The following CAPG variants were observed in gnomAD, a reference collection of about 807,000 sequenced individuals.
The protein encoded by CAPG is macrophage-capping protein.
A neutral mutation model predicts 44.6 loss-of-function variants in CAPG; 32 were observed. The observed-to-expected ratio is 0.72, with a 90% CI of 0.54 to 0.96. The LOEUF is 0.96. Among genes scored for constraint, CAPG ranks in the 50% least tolerant of loss-of-function variants. The pLI is 0.00. For missense variants in CAPG, 412 were observed against 438.3 expected, an observed-to-expected ratio of 0.94 and a Z score of 0.54; for synonymous variants, 175 against 179.6, an observed-to-expected ratio of 0.97 and a Z score of 0.20.
chr2:85,398,736 T>G lies in CAPG; in HGVS notation c.713A>C (p.Asp238Ala). The change falls in exon 7 of 10, where the codon GAC becomes GCC. Residue 238 changes from aspartate (D) to alanine (A), a missense_variant. By Grantham distance (126) the Asp-to-Ala change is moderately radical (BLOSUM62 -2). Coordinates refer to ENST00000263867, the MANE Select transcript of CAPG (RefSeq NM_001747.4). ...PALKEGNPEE[D>A]LTADKANAQA... ...GGCATTTGCCTTGTCAGCTGTGAGGTCTTCCTCAGGGTTGCCCTCCTTCAG... is the reference window on the plus strand; with the variant it reads ...GGCATTTGCCTTGTCAGCTGTGAGGGCTTCCTCAGGGTTGCCCTCCTTCAG... 1 of 1,607,976 alleles carries G rather than the reference T, an allele frequency of 6.2e-7. No homozygotes were observed. The highest frequency in any genetic ancestry group is 8.5e-7 in the Non-Finnish European group (1 of 1,177,384).
intron 1 of CAPG, among the ~76,000 whole-genome samples, chr2:85,406,450 C>T (rs1193307183): frequency 6.6e-6 from 1 of 152,130 alleles, no homozygotes; most frequent in African/African-American, 2.4e-5. Context: ...TACCTAGAAC[C>T]CCCTACCCTT....
downstream of CAPG, among the ~76,000 whole-genome samples, chr2:85,392,221 T>G (rs1349453775): frequency 6.6e-6 from 1 of 152,094 alleles, no homozygotes; most frequent in Non-Finnish European, 1.5e-5. Flanking sequence ...AAACCCCGTC[T>G]CTACTGAAAA....
intron 8 of CAPG, among the ~76,000 whole-genome samples, chr2:85,396,334 C>T (rs59562785): frequency 0.058 from 8,764 of 151,638 alleles, 680 homozygotes; most frequent in African/African-American, 0.18. Context: ...CACAGGTGCA[C>T]GCCACCACAC....
chr2:85,408,546 G>T (rs1687278412), intron 1 of CAPG, among the ~76,000 whole-genome samples: 1 of 152,112 alleles, frequency 6.6e-6, no homozygotes, highest in Non-Finnish European at 1.5e-5. Context: ...CATCTCAACT[G>T]GAGCAAGGAC....
rs760454970 is a variant in CAPG, at chr2:85,398,665, C to G, written c.759+25G>C. 1.9e-6 allele frequency: 3 copies of G among 1,570,332 alleles called. No homozygotes were observed. In the African/African-American group the frequency reaches 4.0e-5, roughly 21 times the overall value. On this transcript the variant is annotated intron_variant, in intron 7 of 9. Transcript: ENST00000263867. ...GCTCCCACCCTCCCTGCTGCCGGGT[C>G]CCAGGGCAGGCTTGGGGGGCCCACC...
At chr2:85,394,306 C>G (rs145918793), downstream of CAPG, among the ~76,000 whole-genome samples, 1 of 152,258 alleles carries the variant, frequency 6.6e-6, no homozygotes, top group African/African-American at 2.4e-5. Context: ...CCTGCAGTGG[C>G]CCTGGGCTCA....
chr2:85,407,137 G>A (rs901735809), intron 1 of CAPG, among the ~76,000 whole-genome samples: 4 of 151,948 alleles, frequency 2.6e-5, no homozygotes, highest in African/African-American at 9.7e-5. Flanking sequence ...CACCATGTCA[G>A]TCAGGCTGGT....
intron 1 of CAPG, among the ~76,000 whole-genome samples, chr2:85,404,286 AAC>A (rs1021404398): frequency 3.9e-5 from 6 of 152,050 alleles, no homozygotes; most frequent in African/African-American, 1.2e-4. Context: ...AAAAAAAAAA[AAC>A]AGGCCAAAAT....
chr2:85,401,168 GCCCAGGT>G lies in CAPG; in HGVS notation c.506_512del (p.Asp169AlafsTer50). ...TCAGTCTGGCCAGCCTACCCACCTGGCCCAGGTCCAGGATGAAGCAGTCCCCAGTGTT... is the reference window on the plus strand; with the variant it reads ...TCAGTCTGGCCAGCCTACCCACCTGGCCAGGATGAAGCAGTCCCCAGTGTT... On this transcript the variant is annotated frameshift_variant, in exon 5 of 10. Coordinates refer to ENST00000263867, the MANE Select transcript of CAPG (RefSeq NM_001747.4). LOFTEE classifies it high-confidence loss of function. 1 of 1,613,808 alleles carries G rather than the reference GCCCAGGT, an allele frequency of 6.2e-7. No individual in the cohort carries two copies. Among genetic ancestry groups the G allele is most frequent in the Non-Finnish European group, 8.5e-7 (1 of 1,179,742 alleles).
intron 1 of CAPG, among the ~76,000 whole-genome samples, chr2:85,406,606 C>A (rs993363639): frequency 6.6e-6 from 1 of 152,158 alleles, no homozygotes; most frequent in African/African-American, 2.4e-5. Flanking sequence ...TGCCTGTAAT[C>A]CCAGCACTTT....
intron 5 of CAPG, 73 bp from the exon 6 acceptor site, chr2:85,399,358 A>G: frequency 1.3e-6 from 2 of 1,481,600 alleles, no homozygotes; most frequent in East Asian, 2.4e-5. Flanking sequence ...AGAAGGGCGC[A>G]CAGCTCTCCC....
chr2:85,411,425 G>A (rs1316478804), upstream of CAPG, among the ~76,000 whole-genome samples: 1 of 152,220 alleles, frequency 6.6e-6, no homozygotes, highest in Non-Finnish European at 1.5e-5. Flanking sequence ...GGTCCTGAGA[G>A]CACAAGAGAC....
upstream of CAPG, among the ~76,000 whole-genome samples, chr2:85,414,798 G>GAGGAAAAC: frequency 6.6e-6 from 1 of 152,262 alleles, no homozygotes; most frequent in African/African-American, 2.4e-5. Context: ...TCTTTATTCA[G>GAGGAAAAC]AGGAAAACAG....
chr2:85,408,818 G>C (rs933569932), intron 1 of CAPG: 6 of 151,460 alleles, frequency 4.0e-5, no homozygotes, highest in African/African-American at 1.5e-4. Flanking sequence ...AGGGGAGCTG[G>C]GGCCGGGGGG....
intron 5 of CAPG, 51 bp downstream of exon 5, chr2:85,401,114 T>C (rs1022969650): frequency 6.4e-7 from 1 of 1,567,370 alleles, no homozygotes; most frequent in Non-Finnish European, 8.7e-7. Flanking sequence ...CCCTCCGTCC[T>C]TATAAAGGAT....
intron 1 of CAPG, among the ~76,000 whole-genome samples, chr2:85,406,079 T>C (rs987344593): frequency 6.6e-6 from 1 of 150,946 alleles, no homozygotes; most frequent in Non-Finnish European, 1.5e-5. Context: ...TGGTGAGCAG[T>C]TCACTTGAGG....
Position 85,395,680 on chromosome 2 carries a change from A to G in CAPG, c.893-54T>C. The G allele has an allele frequency of 2.3e-6, 3 of 1,321,928 alleles. No homozygotes were observed. The highest frequency in any genetic ancestry group is 3.2e-6 in the Non-Finnish European group (3 of 933,500). The allele number at this position is 1,321,928 out of a possible 1,614,324, so 81.9% of individuals were successfully genotyped here. A position where few individuals can be genotyped will look rare whatever the true frequency, so the allele number is the denominator to read the frequency against. Reference sequence around the variant, plus strand: ...AGAGCAGGGACCCTCTTTAGCTGCCATCCCATTTTTCTTGAGGAAATTTAA... The same window carrying G: ...AGAGCAGGGACCCTCTTTAGCTGCCGTCCCATTTTTCTTGAGGAAATTTAA... On this transcript the variant is annotated intron_variant, in intron 8 of 9. Coordinates refer to ENST00000263867, the MANE Select transcript of CAPG (RefSeq NM_001747.4). The surrounding 1 kb of genome is among the most constrained non-coding windows in gnomAD (Gnocchi z 4.3).
chr2:85,407,169 G>T (rs1321397304), intron 1 of CAPG, among the ~76,000 whole-genome samples: 1 of 151,980 alleles, frequency 6.6e-6, no homozygotes, highest in Non-Finnish European at 1.5e-5. Flanking sequence ...GACCTCCAGT[G>T]ATTGCCCACC....
upstream of CAPG, among the ~76,000 whole-genome samples, chr2:85,414,380 T>C (rs1042682580): frequency 6.6e-6 from 1 of 151,964 alleles, no homozygotes; most frequent in Non-Finnish European, 1.5e-5. Context: ...TCAGAGAGGG[T>C]AACTAACTTG....
Sources: gnomAD v4.1 joint callset for allele counts (sites outside exome capture counted in the v4.1 genomes callset) on GRCh38, gnomAD v4.1.1 for gene constraint, Gnocchi (gnomAD v3.1) non-coding constraint, MANE v1.5 for transcripts, NCBI Gene and HGNC (gene_info 2026-07-23, HGNC 2026-07-21) for gene names.